The following NAALADL2 variants were observed in gnomAD, a reference collection of about 807,000 sequenced individuals.
NAALADL2 encodes N-acetylated alpha-linked acidic dipeptidase like 2, also known as inactive N-acetylated-alpha-linked acidic dipeptidase-like protein 2.
A neutral mutation model predicts 87.2 loss-of-function variants in NAALADL2; 76 were observed. The ratio of observed to expected loss-of-function variants is 0.87; its 90% CI spans 0.72 to 1.05. The LOEUF is 1.05. Ranked by LOEUF, NAALADL2 falls within the 50% of genes least tolerant of loss-of-function variation. The pLI is 0.00. For synonymous variants in NAALADL2, 354 were observed against 331.0 expected (o/e 1.07, Z -0.75); for missense variants, 1,089 against 945.8 (o/e 1.15, Z -1.99).
At chr3:174,751,573 G>T (rs1220592387) in intron 3 of NAALADL2, among the ~76,000 whole-genome samples, 1 of 149,214 alleles carries the variant, frequency 6.7e-6, no homozygotes, top group Non-Finnish European at 1.5e-5. Context: ...TGAGGCAGGA[G>T]AATTGCTTGA....
intron 9 of NAALADL2, among the ~76,000 whole-genome samples, chr3:175,558,070 C>CT (rs1715597365): frequency 6.6e-6 from 1 of 151,650 alleles, no homozygotes; most frequent in Non-Finnish European, 1.5e-5. Context: ...TGGCGGGCGC[C>CT]TGTAGTCCCA....
In NAALADL2 at chr3:175,609,032, C is replaced by T. The variant is rs1022626542; in HGVS notation, c.1801-18259C>T. Among the ~76,000 whole-genome samples, 135 of 150,792 alleles carry T rather than the reference C, an allele frequency of 9.0e-4. 5 individuals are homozygous for T. The highest frequency in any genetic ancestry group is 5.2e-4 in the Non-Finnish European group (35 of 67,878). ...TTTTTAGTAGTAGTAATTGTTTGTA[C>T]TAAGCGCTCTTTCTGTGTTGAGCCA... On this transcript the variant is annotated intron_variant, in intron 10 of 13. Transcript: ENST00000454872.
chr3:175,779,697 TTGAAA>T (rs1750750475), intron 13 of NAALADL2, among the ~76,000 whole-genome samples: 1 of 152,214 alleles, frequency 6.6e-6, no homozygotes, highest in Admixed American at 6.5e-5. Context: ...TTAAGGTTTC[TTGAAA>T]TGAAGAGTAT....
chr3:175,504,367 A>G (rs1483024193), intron 9 of NAALADL2, among the ~76,000 whole-genome samples: 1 of 152,162 alleles, frequency 6.6e-6, no homozygotes, highest in Non-Finnish European at 1.5e-5. Flanking sequence ...CCAGGGTGAA[A>G]TGCCATGGAC....
At chr3:175,216,663 C>CTTTTTTTTTTTT (rs1560177808) in intron 2 of NAALADL2, among the ~76,000 whole-genome samples, 2 of 43,354 alleles carry the variant, frequency 4.6e-5, no homozygotes, top group Non-Finnish European at 5.8e-5. Flanking sequence ...CTTTTTTTTT[C>CTTTTTTTTTTTT]TTTTCTTTTT....
chr3:175,789,540 T>C (rs1752524021), intron 13 of NAALADL2, among the ~76,000 whole-genome samples: 1 of 152,206 alleles, frequency 6.6e-6, no homozygotes, highest in Admixed American at 6.5e-5. Context: ...ATTCACTGAG[T>C]AATGTTGTTT....
chr3:175,741,471 C>T (rs1745227568), intron 12 of NAALADL2, among the ~76,000 whole-genome samples: 1 of 151,984 alleles, frequency 6.6e-6, no homozygotes, highest in Admixed American at 6.6e-5. Context: ...AAAGCAGGAA[C>T]ACAGTAGTCC....
chr3:175,457,855 A>G (rs1722551329), intron 6 of NAALADL2, among the ~76,000 whole-genome samples: 1 of 144,404 alleles, frequency 6.9e-6, no homozygotes. Context: ...TCCACTGTAA[A>G]GAAGAGATTT....
chr3:174,971,780 C>T (rs989449861), intron 1 of NAALADL2, among the ~76,000 whole-genome samples: 1 of 152,124 alleles, frequency 6.6e-6, no homozygotes, highest in Non-Finnish European at 1.5e-5. Flanking sequence ...TTACTGCAAC[C>T]TCTGCCTCCT....
At chr3:175,177,499 A>G (rs1735856740) in intron 2 of NAALADL2, among the ~76,000 whole-genome samples, 1 of 152,098 alleles carries the variant, frequency 6.6e-6, no homozygotes, top group African/African-American at 2.4e-5. Context: ...AATTATTGGA[A>G]TGAATTTGAA....
At chr3:174,687,973 C>T (rs540916499) in intron 2 of NAALADL2, among the ~76,000 whole-genome samples, 2 of 152,286 alleles carry the variant, frequency 1.3e-5, no homozygotes, top group South Asian at 4.1e-4. Context: ...GTGAAACAAT[C>T]AGTTCATTAA....
Position 175,097,175 on chromosome 3 carries a change from T to C in NAALADL2, c.429T>C (p.Gly143=). ...TILFIFGILI[G]YYVHTNCPSD... Reference sequence around the variant, plus strand: ...TATTTATTTTTGGGATTTTGATAGGTTATTATGTACATACAAATTGCCCTT... The same window carrying C: ...TATTTATTTTTGGGATTTTGATAGGCTATTATGTACATACAAATTGCCCTT... Residue 143 remains glycine (G), a synonymous_variant, in exon 2 of 14, where the codon GGT becomes GGC. Coordinates refer to ENST00000454872, the MANE Select transcript of NAALADL2 (RefSeq NM_207015.3). 1 of 1,613,762 alleles carries C rather than the reference T, an allele frequency of 6.2e-7. No individual in the cohort carries two copies. The highest frequency in any genetic ancestry group is 8.5e-7 in the Non-Finnish European group (1 of 1,179,694).
intron 2 of NAALADL2, among the ~76,000 whole-genome samples, chr3:175,101,859 C>G (rs941909115): frequency 6.8e-5 from 8 of 117,276 alleles, no homozygotes; most frequent in Admixed American, 6.6e-4. Context: ...ATAATTTCCT[C>G]TTCTTAATGG....
At chr3:174,793,925 C>G (rs1214769646) in intron 3 of NAALADL2, among the ~76,000 whole-genome samples, 1 of 151,542 alleles carries the variant, frequency 6.6e-6, no homozygotes, top group African/African-American at 2.4e-5. Context: ...CATTCAGATT[C>G]TTTTATCCTT....
chr3:175,157,550 G>A (rs1047585397), intron 2 of NAALADL2, among the ~76,000 whole-genome samples: 4 of 152,012 alleles, frequency 2.6e-5, no homozygotes, highest in African/African-American at 7.2e-5. Flanking sequence ...CTCTGAATTA[G>A]CCTTCTTATT....
chr3:174,506,742 C>G (rs1370437399), intron 1 of NAALADL2, among the ~76,000 whole-genome samples: 1 of 152,124 alleles, frequency 6.6e-6, no homozygotes, highest in Non-Finnish European at 1.5e-5. Flanking sequence ...CACACTCTTA[C>G]AAGTAACTAG....
intron 2 of NAALADL2, among the ~76,000 whole-genome samples, chr3:174,577,549 A>T (rs1715667799): frequency 6.6e-6 from 1 of 152,140 alleles, no homozygotes; most frequent in African/African-American, 2.4e-5. Flanking sequence ...CTGGACTATG[A>T]AAAATGACAG....
chr3:175,667,190 A>G (rs1450743215), intron 11 of NAALADL2, among the ~76,000 whole-genome samples: 1 of 82,764 alleles, frequency 1.2e-5, no homozygotes, highest in Non-Finnish European at 2.1e-5. Context: ...AGAGAAAGAA[A>G]GAAAGAAAGA....
intron 1 of NAALADL2, among the ~76,000 whole-genome samples, chr3:174,930,547 G>T (rs1036983727): frequency 6.7e-6 from 1 of 149,416 alleles, no homozygotes; most frequent in Admixed American, 6.8e-5. Context: ...GAATAGCTTT[G>T]GAAAAGTATA....
Sources: allele counts gnomAD v4.1 joint callset (sites outside exome capture counted in the v4.1 genomes callset), GRCh38; gene constraint gnomAD v4.1.1; transcripts MANE v1.5; gene names NCBI Gene and HGNC (gene_info 2026-07-23, HGNC 2026-07-21).